Variants in SLC9A1 observed in about 807,000 individuals in gnomAD.
SLC9A1 encodes the protein sodium/hydrogen exchanger 1.
In SLC9A1, 22 loss-of-function variants were observed where a neutral mutation model predicts 67.9. The observed-to-expected ratio is 0.32, with a 90% confidence interval of 0.23 to 0.46. The LOEUF is 0.46. Ranked by LOEUF, SLC9A1 falls within the 20% of genes least tolerant of loss-of-function variation. The probability of loss-of-function intolerance (pLI) is 1.00; values close to 1 mark genes in which losing one functional copy is unlikely to be tolerated. For missense variants in SLC9A1, 686 were observed against 1,094.8 expected (o/e 0.63, Z 5.27); for synonymous variants, 421 against 471.8 (o/e 0.89, Z 1.40).
In SLC9A1 at chr1:27,114,384, G is replaced by A. The variant is rs1161559412; in HGVS notation, c.353-98C>T. The A allele has an allele frequency of 2.2e-6, 2 of 903,870 alleles. No individual in the cohort carries two copies. The highest frequency in any genetic ancestry group is 3.4e-6 in the Non-Finnish European group (2 of 587,180). 56.0% of individuals were successfully genotyped at this position (903,870 alleles called of 1,614,324 possible). On this transcript the variant is annotated intron_variant, in intron 1 of 11. Transcript: ENST00000263980. This position sits in a 1 kb window ranked among gnomAD's most constrained non-coding sequence, Gnocchi z 5.4. ...CGGGGATGAGGAGCGCAGTTGGTGA[G>A]AGGTGCACAGGCTGGGTCTCAGAGG...
At chr1:27,108,489 C>T (rs1157152655) in intron 3 of SLC9A1, among the ~76,000 whole-genome samples, 1 of 152,030 alleles carries the variant, frequency 6.6e-6, no homozygotes, top group Non-Finnish European at 1.5e-5. Context: ...ACCAGCTTGG[C>T]CAATGTAGTG....
intron 1 of SLC9A1, among the ~76,000 whole-genome samples, chr1:27,151,020 C>T (rs2124219503): frequency 6.6e-6 from 1 of 152,306 alleles, no homozygotes; most frequent in South Asian, 2.1e-4. Flanking sequence ...GGAGCATGGC[C>T]TCAGCCCCCC....
At chr1:27,108,208 G>C (rs2124143533) in intron 3 of SLC9A1, among the ~76,000 whole-genome samples, 1 of 151,724 alleles carries the variant, frequency 6.6e-6, no homozygotes. Flanking sequence ...TGGGAATACA[G>C]GTGCCCGCCA....
At chr1:27,141,473 A>G (rs775488031) in intron 1 of SLC9A1, among the ~76,000 whole-genome samples, 1 of 152,158 alleles carries the variant, frequency 6.6e-6, no homozygotes, top group Non-Finnish European at 1.5e-5. Flanking sequence ...CATATACTTC[A>G]AGGCCTAGCT....
rs1049013439 is a variant in SLC9A1 at position 27,101,002 on chromosome 1, C to A, written c.2110+201G>T. Among the ~76,000 whole-genome samples the A allele has an allele frequency of 6.6e-6, 1 of 152,230 alleles. No individual in the cohort carries two copies. Among genetic ancestry groups the A allele is most frequent in the Non-Finnish European group, 1.5e-5 (1 of 68,032 alleles). Reference sequence around the variant, plus strand: ...AGGCACCGTGGCTCTCCCAGCTCCCCACACAGTCCTCGCCCGGAACGTCTC... The same window carrying A: ...AGGCACCGTGGCTCTCCCAGCTCCCAACACAGTCCTCGCCCGGAACGTCTC... On this transcript the variant is annotated intron_variant, in intron 11 of 11. Transcript: ENST00000263980. The surrounding 1 kb of genome is among the most constrained non-coding windows in gnomAD (Gnocchi z 4.9).
rs892776040 is a variant in SLC9A1, at chr1:27,118,255, C to A, written c.353-3969G>T. Reference sequence around the variant, plus strand: ...TCTGGGCCTGAGGGGAGGGCCGGGCCGGGCCAGGCTGAGGAGAAAGGTCTG... The same window carrying A: ...TCTGGGCCTGAGGGGAGGGCCGGGCAGGGCCAGGCTGAGGAGAAAGGTCTG... On this transcript the variant is annotated intron_variant, in intron 1 of 11. Coordinates refer to ENST00000263980, the MANE Select transcript of SLC9A1 (RefSeq NM_003047.5). This position sits in a 1 kb window ranked among gnomAD's most constrained non-coding sequence, Gnocchi z 4.3. Among the ~76,000 whole-genome samples the A allele has an allele frequency of 3.3e-5, 5 of 152,166 alleles. No individual in the cohort carries two copies. Among genetic ancestry groups the A allele is most frequent in the African/African-American group, 1.2e-4 (5 of 41,434 alleles).
chr1:27,143,603 G>A (rs2083465047), intron 1 of SLC9A1, among the ~76,000 whole-genome samples: 1 of 152,198 alleles, frequency 6.6e-6, no homozygotes, highest in Non-Finnish European at 1.5e-5. Context: ...AGTCTGCTTA[G>A]GCCTCAACGG....
chr1:27,132,860 C>A (rs528682160), intron 1 of SLC9A1, among the ~76,000 whole-genome samples: 1 of 152,254 alleles, frequency 6.6e-6, no homozygotes, highest in Non-Finnish European at 1.5e-5. Context: ...AGCTGTGGCT[C>A]CAGGGAAGGG....
intron 5 of SLC9A1, 196 bp from the exon 6 acceptor site, chr1:27,103,508 C>T (rs935684076): frequency 3.0e-5 from 18 of 592,370 alleles, no homozygotes; most frequent in African/African-American, 3.0e-4. Context: ...CTGCTTCTTC[C>T]TGGAGACACG....
intron 1 of SLC9A1, among the ~76,000 whole-genome samples, chr1:27,135,515 C>CT (rs2083414593): frequency 9.2e-6 from 1 of 108,968 alleles, no homozygotes; most frequent in Non-Finnish European, 1.8e-5. Flanking sequence ...TTATTTCTTC[C>CT]TTTTTTCTGG....
chr1:27,100,471 T>A lies in SLC9A1; in HGVS notation c.2284A>T (p.Ile762Phe). 1 of 1,614,064 alleles carries A rather than the reference T, an allele frequency of 6.2e-7. No homozygotes were observed. The highest frequency in any genetic ancestry group is 1.1e-5 in the South Asian group (1 of 91,088). The change falls in exon 12 of 12, where the codon ATC becomes TTC. Residue 762 changes from isoleucine (I) to phenylalanine (F), a missense_variant. By Grantham distance (21) the Ile-to-Phe change is conservative. Around this residue, in one of 7 missense-constraint regions of SLC9A1, gnomAD observed 226 missense variants for 282.4 expected, o/e 0.80. Coordinates refer to ENST00000263980, the MANE Select transcript of SLC9A1 (RefSeq NM_003047.5). The surrounding 1 kb of genome is among the most constrained non-coding windows in gnomAD (Gnocchi z 5.6). Reference sequence around the variant, plus strand: ...GAAGTCTCCTTGCTCCGCATCATGATGCCCCCATCGTCGTCCTCGTCCTCC... The same window carrying A: ...GAAGTCTCCTTGCTCCGCATCATGAAGCCCCCATCGTCGTCCTCGTCCTCC... ...AEEDEDDDGG[I>F]MMRSKETSSP... is the part of the protein sequence containing the mutation.
intron 2 of SLC9A1, among the ~76,000 whole-genome samples, chr1:27,111,696 G>T (rs1451286991): frequency 6.6e-6 from 1 of 152,156 alleles, no homozygotes; most frequent in Non-Finnish European, 1.5e-5. Flanking sequence ...TGCAGTCCCA[G>T]CTACTTGGGA....
chr1:27,120,257 C>T (rs2083296316), intron 1 of SLC9A1, among the ~76,000 whole-genome samples: 1 of 151,840 alleles, frequency 6.6e-6, no homozygotes, highest in South Asian at 2.1e-4. Flanking sequence ...TCTCCAGGGG[C>T]TGGGATTACA....
Position 27,106,949 on chromosome 1 carries a change from C to T in SLC9A1, c.1282+699G>A, listed in dbSNP as rs1001960151. 6.6e-6 allele frequency among the ~76,000 whole-genome samples: 1 copy of T among 151,822 alleles called. No homozygotes were observed. Among genetic ancestry groups the T allele is most frequent in the South Asian group, 2.1e-4 (1 of 4,824 alleles). On this transcript the variant is annotated intron_variant, in intron 4 of 11. Transcript: ENST00000263980. This position sits in a 1 kb window ranked among gnomAD's most constrained non-coding sequence, Gnocchi z 4.3. ...CACAGCCTGACTCTGTCCCCAGAGA[C>T]CACAGCCTTGCTGTGACACAGGCTT...
intron 2 of SLC9A1, among the ~76,000 whole-genome samples, chr1:27,111,440 C>T (rs2083227168): frequency 6.6e-6 from 1 of 152,078 alleles, no homozygotes; most frequent in Non-Finnish European, 1.5e-5. Flanking sequence ...CCTCAGTTTC[C>T]TCATCGCAAA....
intron 1 of SLC9A1, among the ~76,000 whole-genome samples, chr1:27,120,334 C>T (rs557125415): frequency 9.2e-5 from 14 of 151,428 alleles, no homozygotes; most frequent in Non-Finnish European, 1.2e-4. Flanking sequence ...CCATGTTGGC[C>T]AGGCTGGTCT....
chr1:27,141,789 G>A (rs1570883412), intron 1 of SLC9A1, among the ~76,000 whole-genome samples: 1 of 152,342 alleles, frequency 6.6e-6, no homozygotes, highest in Middle Eastern at 3.4e-3. Flanking sequence ...GCCCAGTTAG[G>A]TGAGTTGGCC....
At chr1:27,141,810 C>T (rs2083454987) in intron 1 of SLC9A1, among the ~76,000 whole-genome samples, 1 of 152,240 alleles carries the variant, frequency 6.6e-6, no homozygotes, top group Non-Finnish European at 1.5e-5. Flanking sequence ...CCGCCTCATG[C>T]TGGCATAACG....
rs1314521834 is a variant in SLC9A1 at position 27,155,097 on chromosome 1, C to A, written c.-763G>T. ...CTCCTGGTCCAGCTCCAGAACTAAC[C>A]CTAGCCCCGGCCCCGGCGGCAGCAG... On this transcript the variant is annotated 5_prime_UTR_variant, in exon 1 of 12. Transcript: ENST00000263980. This position sits in a 1 kb window ranked among gnomAD's most constrained non-coding sequence, Gnocchi z 4.5. Among the ~76,000 whole-genome samples, 1 of 152,068 alleles carries A rather than the reference C, an allele frequency of 6.6e-6. No homozygotes were observed. Among genetic ancestry groups the A allele is most frequent in the African/African-American group, 2.4e-5 (1 of 41,436 alleles).
Sources: gnomAD v4.1 joint callset for allele counts (sites outside exome capture counted in the v4.1 genomes callset) on GRCh38, gnomAD v4.1.1 for gene constraint, gnomAD v4.1.1 regional missense constraint, Gnocchi (gnomAD v3.1) non-coding constraint, MANE v1.5 for transcripts, NCBI Gene and HGNC (gene_info 2026-07-23, HGNC 2026-07-21) for gene names.